C16orf46: variants seen among roughly 807,000 people sequenced by gnomAD.
The protein encoded by C16orf46 is uncharacterized protein C16orf46.
C16orf46 carries 7 observed loss-of-function variants against 5.5 expected under a neutral mutation model. That is an observed-to-expected ratio of 1.28 (90% CI 0.73 to 2.40). C16orf46 has a LOEUF of 2.40. Ranked by LOEUF, C16orf46 falls within the 30% of genes most tolerant of loss-of-function variation. The pLI, the probability that C16orf46 is intolerant of heterozygous loss-of-function variation, is 0.00. For missense variants in C16orf46, 614 were observed against 476.0 expected (o/e 1.29, Z -2.70); for synonymous variants, 200 against 184.1 (o/e 1.09, Z -0.70).
At chr16:81,062,662 G>A (rs1233347607) in intron 3 of C16orf46, among the ~76,000 whole-genome samples, 1 of 152,112 alleles carries the variant, frequency 6.6e-6, no homozygotes, top group African/African-American at 2.4e-5. Context: ...GGCAGGTCCT[G>A]GAATGCAGAG....
chr16:81,055,109 G>A (rs555442758), intron 3 of C16orf46, among the ~76,000 whole-genome samples: 1 of 152,316 alleles, frequency 6.6e-6, no homozygotes, highest in Admixed American at 6.5e-5. Context: ...AGTCAGTCAT[G>A]AGGATTTCGT....
In C16orf46 at chr16:81,061,539, G is replaced by C; in HGVS notation, c.810C>G (p.Ala270=). The C allele has an allele frequency of 6.2e-7, 1 of 1,614,170 alleles. No individual in the cohort carries two copies. The highest frequency in any genetic ancestry group is 8.5e-7 in the Non-Finnish European group (1 of 1,180,040). The change falls in exon 4 of 4, where the codon GCC becomes GCG. Residue 270 remains alanine (A), a synonymous_variant. Coordinates refer to ENST00000299578, the MANE Select transcript of C16orf46 (RefSeq NM_152337.3). ...GKGEKRASEL[A]KHPMVNDTPS... ...GCGTGTCGTTGACCATAGGGTGTTT[G>C]GCCAGCTCACTGGCTCTTTTTTCAC... is the stretch of plus-strand genomic sequence containing the variant.
At chr16:81,069,740 G>C (rs999849464) in intron 1 of C16orf46, 2 of 152,174 alleles carry the variant, frequency 1.3e-5, no homozygotes, top group Non-Finnish European at 1.5e-5. Context: ...ACTGAAAATA[G>C]AATCCAGACT....
Position 81,074,899 on chromosome 16 carries a change from T to G in C16orf46, c.-128+2237A>C, listed in dbSNP as rs192351000. 8.6e-4 allele frequency among the ~76,000 whole-genome samples: 131 copies of G among 152,322 alleles called. 1 individual carries two copies. Among genetic ancestry groups the G allele is most frequent in the Non-Finnish European group, 2.2e-4 (15 of 68,038 alleles). On this transcript the variant is annotated intron_variant, in intron 1 of 3. Transcript: ENST00000299578. ...ATTTCCCCTTTTGTTTTTGGACCAT[T>G]ATTAAACCTGCGTAGACAGTTCGCA...
In C16orf46 at chr16:81,062,076, C is replaced by T. The variant is rs774775750; in HGVS notation, c.273G>A (p.Lys91=). The change falls in exon 4 of 4, where the codon AAG becomes AAA. Residue 91 remains lysine (K), a synonymous_variant. Transcript: ENST00000299578. ...TGCAGGCACCTTCCCCTACCCTCGCCTTTTTTGGTATCTTCCTCGGCCAGA... is the reference window on the plus strand; with the variant it reads ...TGCAGGCACCTTCCCCTACCCTCGCTTTTTTTGGTATCTTCCTCGGCCAGA... ...ACIWPRKIPK[K]ARVGEGACSD... is the part of the protein sequence containing the mutation. 19 of 1,610,850 alleles carry T rather than the reference C, an allele frequency of 1.2e-5. No individual in the cohort carries two copies. In the African/African-American group the frequency reaches 1.3e-4, roughly 11 times the overall value.
chr16:81,057,675 G>GGTGGTT (rs1555526067), downstream of C16orf46, among the ~76,000 whole-genome samples: 8 of 151,364 alleles, frequency 5.3e-5, no homozygotes, highest in Non-Finnish European at 7.4e-5. Context: ...AGTTCATTTA[G>GGTGGTT]GTTGTTGTTG....
chr16:81,068,862 C>T lies in C16orf46; in HGVS notation c.-127-2581G>A, dbSNP rs570930603. On this transcript the variant is annotated intron_variant, in intron 1 of 3. Transcript: ENST00000299578. ...GATTCCAGGCGCATGCCACCACGCC[C>T]GGCTAATTTTTTTTGTATTTTTAGT... 1.4e-3 allele frequency among the ~76,000 whole-genome samples: 220 copies of T among 151,844 alleles called. 1 individual carries two copies. The highest frequency in any genetic ancestry group is 5.0e-3 in the African/African-American group (207 of 41,364).
At chr16:81,064,362 C>CAA (rs113685280) in intron 2 of C16orf46, among the ~76,000 whole-genome samples, 7,456 of 139,176 alleles carry the variant, frequency 0.054, 256 homozygotes, top group Non-Finnish European at 0.084. Context: ...GATTACATCT[C>CAA]AAAAAAAAAA....
chr16:81,053,714 CTTTT>C (rs1397726127), exon 4 of C16orf46: 1 of 191,352 alleles, frequency 5.2e-6, no homozygotes. Flanking sequence ...AAGTCATACT[CTTTT>C]TAACATCAGT....
At chr16:81,053,780 C>A in exon 4 of C16orf46, 1 of 319,470 alleles carries the variant, frequency 3.1e-6, no homozygotes, top group Non-Finnish European at 5.7e-6. Context: ...GAAATTATCT[C>A]CACGGTGACT....
At position 81,077,149 on chromosome 16, in the gene C16orf46, C is replaced by A. The variant is rs528706376; in HGVS notation, c.-141G>T. On this transcript the variant is annotated 5_prime_UTR_variant, in exon 1 of 4. Transcript: ENST00000299578. ...GCTCACACCTACCTGTGGGGCCAAGCGGATGGAAGGCCCCGAGACAGCTAG... is the reference window on the plus strand; with the variant it reads ...GCTCACACCTACCTGTGGGGCCAAGAGGATGGAAGGCCCCGAGACAGCTAG... The A allele has an allele frequency of 1.3e-5, 2 of 152,554 alleles. No homozygotes were observed. The highest frequency in any genetic ancestry group is 2.1e-4 in the South Asian group (1 of 4,834). 9.5% of individuals were successfully genotyped at this position (152,554 alleles called of 1,614,324 possible). A position where few individuals can be genotyped will look rare whatever the true frequency, so the allele number is the denominator to read the frequency against.
intron 1 of C16orf46, among the ~76,000 whole-genome samples, chr16:81,071,606 C>A (rs535770269): frequency 8.6e-5 from 13 of 151,898 alleles, no homozygotes; most frequent in African/African-American, 2.7e-4. Context: ...AATGGCCAGG[C>A]GTGGTGGTGT....
intron 1 of C16orf46, chr16:81,072,328 C>CAAA (rs34242284): frequency 9.7e-6 from 1 of 102,834 alleles, no homozygotes; most frequent in African/African-American, 3.4e-5. Flanking sequence ...ATACCTGATG[C>CAAA]AAAAAAAAAA....
chr16:81,071,212 G>A (rs1399640063), intron 1 of C16orf46, among the ~76,000 whole-genome samples: 1 of 152,156 alleles, frequency 6.6e-6, no homozygotes, highest in Non-Finnish European at 1.5e-5. Flanking sequence ...CCTCACTAGA[G>A]ATCAGTGTAT....
At chr16:81,066,818 C>T (rs957808696) in intron 1 of C16orf46, among the ~76,000 whole-genome samples, 2 of 152,162 alleles carry the variant, frequency 1.3e-5, no homozygotes, top group African/African-American at 2.4e-5. Flanking sequence ...AAGCATACAT[C>T]AAAGTCCATA....
At chr16:81,059,932 A>G (rs192752967), downstream of C16orf46, among the ~76,000 whole-genome samples, 4,231 of 150,920 alleles carry the variant, frequency 0.028, 170 homozygotes, top group African/African-American at 0.096. Flanking sequence ...GGGACTACAG[A>G]AGCCCGCCAC....
chr16:81,053,704 A>G (rs940539117), exon 4 of C16orf46: 6 of 179,032 alleles, frequency 3.4e-5, no homozygotes, highest in Admixed American at 6.0e-5. Flanking sequence ...AAATTTAAAC[A>G]AGTCATACTC....
At chr16:81,068,650 T>A (rs919966120) in intron 1 of C16orf46, among the ~76,000 whole-genome samples, 3 of 151,508 alleles carry the variant, frequency 2.0e-5, no homozygotes, top group African/African-American at 4.8e-5. Flanking sequence ...TCCTCTCATT[T>A]TGGCTTCCCA....
chr16:81,063,935 A>G lies in C16orf46; in HGVS notation c.21T>C (p.Asn7=), dbSNP rs1300907745. The G allele has an allele frequency of 2.5e-6, 4 of 1,612,828 alleles. No individual in the cohort carries two copies. The highest frequency in any genetic ancestry group is 2.7e-5 in the African/African-American group (2 of 74,866). Reference sequence around the variant, plus strand: ...TTTCAGCATTTTCTAAGTCAGTCTCATTTTTCTGACAGAGATCCATTACTG... The same window carrying G: ...TTTCAGCATTTTCTAAGTCAGTCTCGTTTTTCTGACAGAGATCCATTACTG... MDLCQK[N]ETDLENAENN... The change falls in exon 3 of 4, where the codon AAT becomes AAC. Residue 7 remains asparagine, a synonymous_variant. Transcript: ENST00000299578.
Sources: allele counts gnomAD v4.1 joint callset (sites outside exome capture counted in the v4.1 genomes callset), GRCh38; gene constraint gnomAD v4.1.1; transcripts MANE v1.5; gene names NCBI Gene and HGNC (gene_info 2026-07-23, HGNC 2026-07-21).